The following XPNPEP3 variants were observed in gnomAD, a reference collection of about 807,000 sequenced individuals.
XPNPEP3 encodes xaa-Pro aminopeptidase 3.
XPNPEP3 carries 41 observed loss-of-function variants against 60.0 expected under a neutral mutation model. The observed-to-expected ratio is 0.68, with a 90% CI of 0.53 to 0.89. The LOEUF (loss-of-function observed/expected upper bound fraction) is 0.89, where lower values mean the gene tolerates loss of function less well. XPNPEP3 is among the 40% of genes least tolerant of loss of function. The probability of loss-of-function intolerance (pLI) is 0.00; values close to 1 mark genes in which losing one functional copy is unlikely to be tolerated. For missense variants in XPNPEP3, 598 were observed against 638.9 expected, an observed-to-expected ratio of 0.94 and a Z score of 0.69; for synonymous variants, 212 against 223.2, an observed-to-expected ratio of 0.95 and a Z score of 0.45.
At chr22:40,870,311 C>T (rs2057998751) in intron 2 of XPNPEP3, 1 of 277,340 alleles carries the variant, frequency 3.6e-6, no homozygotes, top group Non-Finnish European at 7.2e-6. Context: ...TTTTCCAGGC[C>T]TTAAACCTAG....
intron 8 of XPNPEP3, 96 bp downstream of exon 8, chr22:40,922,609 G>T: frequency 7.0e-7 from 1 of 1,429,270 alleles, no homozygotes; most frequent in Non-Finnish European, 9.7e-7. Flanking sequence ...AAATGGGACA[G>T]ATGTAGTGAT....
intron 2 of XPNPEP3, among the ~76,000 whole-genome samples, chr22:40,881,229 A>G (rs1455650524): frequency 6.6e-6 from 1 of 151,802 alleles, no homozygotes; most frequent in Admixed American, 6.6e-5. Flanking sequence ...TGTTTTTTTT[A>G]GTAGAGATGA....
chr22:40,857,954 G>A (rs916970610), intron 1 of XPNPEP3, among the ~76,000 whole-genome samples: 3 of 152,122 alleles, frequency 2.0e-5, no homozygotes, highest in Non-Finnish European at 4.4e-5. Context: ...TGATATACTT[G>A]AATTCATTTA....
chr22:40,874,573 G>T lies in XPNPEP3; in HGVS notation c.181+5458G>T, dbSNP rs375344701. ...CCTGAATAGCTGGGACTACAGGCATGCACCATCATGCCCAGCTAATTTTTA... is the reference window on the plus strand; with the variant it reads ...CCTGAATAGCTGGGACTACAGGCATTCACCATCATGCCCAGCTAATTTTTA... On this transcript the variant is annotated intron_variant, in intron 2 of 9. Transcript: ENST00000357137. Among the ~76,000 whole-genome samples, 97 of 152,122 alleles carry T rather than the reference G, an allele frequency of 6.4e-4. 2 individuals carry two copies. In the South Asian group the frequency reaches 0.012, roughly 19 times the overall value.
In XPNPEP3 at chr22:40,893,096, TTATATATAAA is replaced by T. The variant is rs201658497; in HGVS notation, c.792+6599_792+6608del. Among the ~76,000 whole-genome samples, 2,110 of 146,800 alleles carry T rather than the reference TTATATATAAA, an allele frequency of 0.014. 121 individuals carry two copies. In the East Asian group the frequency reaches 0.2, roughly 14 times the overall value. On this transcript the variant is annotated intron_variant, in intron 4 of 9. Transcript: ENST00000357137. ...ATATTATTTATATTATATATTTAGT[TTATATATAAA>T]TATATATAAATATATATTATATATT...
chr22:40,868,927 G>A (rs2057992235), intron 1 of XPNPEP3, 72 bp from the exon 2 acceptor site: 1 of 1,185,516 alleles, frequency 8.4e-7, no homozygotes. Context: ...AACTGCTAGA[G>A]ATAAGTGTAT....
chr22:40,909,351 T>C, intron 6 of XPNPEP3, 116 bp downstream of exon 6: 1 of 823,522 alleles, frequency 1.2e-6, no homozygotes. Flanking sequence ...ATTTTAAAAG[T>C]ATTTTATTGC....
At chr22:40,897,635 A>G (rs908141784) in intron 4 of XPNPEP3, among the ~76,000 whole-genome samples, 7 of 151,886 alleles carry the variant, frequency 4.6e-5, no homozygotes, top group African/African-American at 9.7e-5. Flanking sequence ...CTGATTATAC[A>G]TTTAATTTTT....
At chr22:40,870,163 G>T in intron 2 of XPNPEP3, 1 of 440,904 alleles carries the variant, frequency 2.3e-6, no homozygotes, top group Non-Finnish European at 4.7e-6. Flanking sequence ...CAACCCAGTT[G>T]GTATTAATTT....
Position 40,881,983 on chromosome 22 carries a change from G to A in XPNPEP3, c.395G>A (p.Ser132Asn), listed in dbSNP as rs1299030520. Residue 132 changes from serine (S) to asparagine (N), a missense_variant, in exon 3 of 10, where the codon AGC becomes AAC. Physicochemically the swap from Ser to Asn is conservative, Grantham distance 46 (BLOSUM62 1). Transcript: ENST00000357137. ...CTATGTGGATTCCAAGAGCCTGATAGCATTCTTGTCCTTCAGAGCCTCCCT... is the reference window on the plus strand; with the variant it reads ...CTATGTGGATTCCAAGAGCCTGATAACATTCTTGTCCTTCAGAGCCTCCCT... ...LYLCGFQEPD[S>N]ILVLQSLPGK... is the part of the protein sequence containing the mutation. The A allele has an allele frequency of 1.2e-5, 19 of 1,613,988 alleles. No individual in the cohort carries two copies. Among genetic ancestry groups the A allele is most frequent in the Non-Finnish European group, 1.6e-5 (19 of 1,179,978 alleles).
chr22:40,882,076 G>C lies in XPNPEP3; in HGVS notation c.488G>C (p.Trp163Ser), dbSNP rs2146250401. Residue 163 changes from tryptophan (W) to serine (S), a missense_variant, in exon 3 of 10, where the codon TGG becomes TCG. Trp to Ser is a radical substitution (Grantham distance 177). Transcript: ENST00000357137. Reference sequence around the variant, plus strand: ...CGGCGAGATCCCAGTCGAGAACTTTGGGATGGTCCGCGATCTGGCACTGAT... The same window carrying C: ...CGGCGAGATCCCAGTCGAGAACTTTCGGATGGTCCGCGATCTGGCACTGAT... ...VPRRDPSREL[W>S]DGPRSGTDGA... 6.2e-7 allele frequency: 1 copy of C among 1,614,058 alleles called. No homozygotes were observed. The highest frequency in any genetic ancestry group is 2.2e-5 in the East Asian group (1 of 44,884).
At chr22:40,890,846 T>C (rs997092059) in intron 4 of XPNPEP3, among the ~76,000 whole-genome samples, 2 of 151,972 alleles carry the variant, frequency 1.3e-5, no homozygotes, top group African/African-American at 4.8e-5. Context: ...CCAGTCTGGG[T>C]GACAGAGTGA....
chr22:40,901,407 G>T (rs2058132420), intron 4 of XPNPEP3, among the ~76,000 whole-genome samples: 1 of 151,556 alleles, frequency 6.6e-6, no homozygotes, highest in Admixed American at 6.6e-5. Context: ...GCTAATTTTT[G>T]TATATTTAGT....
intron 7 of XPNPEP3, among the ~76,000 whole-genome samples, chr22:40,921,263 C>T (rs1439720274): frequency 2.6e-5 from 4 of 152,032 alleles, no homozygotes; most frequent in African/African-American, 4.8e-5. Flanking sequence ...CCTTCTCAGA[C>T]GGGGGTGGAA....
At chr22:40,905,285 T>C (rs2058150284) in intron 4 of XPNPEP3, among the ~76,000 whole-genome samples, 1 of 152,044 alleles carries the variant, frequency 6.6e-6, no homozygotes, top group Admixed American at 6.6e-5. Flanking sequence ...TTTCACTGTG[T>C]TAGCCAGGAT....
Position 40,929,051 on chromosome 22 carries a change from A to T in XPNPEP3, c.*2616A>T, listed in dbSNP as rs905460147. ...AGAGCTTTTTAAAAAAAGGGGAGGG[A>T]AATAACTCCACAGCTCTGGCTGCTC... is the stretch of plus-strand genomic sequence containing the variant. On this transcript the variant is annotated 3_prime_UTR_variant, in exon 10 of 10. Coordinates refer to ENST00000357137, the MANE Select transcript of XPNPEP3 (RefSeq NM_022098.4). The T allele has an allele frequency of 6.6e-6, 1 of 152,064 alleles. No homozygotes were observed. The highest frequency in any genetic ancestry group is 2.4e-5 in the African/African-American group (1 of 41,398). 9.4% of individuals were successfully genotyped at this position (152,064 alleles called of 1,614,324 possible).
At chr22:40,873,340 T>C (rs1431369666) in intron 2 of XPNPEP3, among the ~76,000 whole-genome samples, 1 of 151,560 alleles carries the variant, frequency 6.6e-6, no homozygotes, top group Non-Finnish European at 1.5e-5. Flanking sequence ...CCTGACCTTG[T>C]GATCTGCCTG....
At chr22:40,870,741 G>A (rs539185698) in intron 2 of XPNPEP3, among the ~76,000 whole-genome samples, 5 of 152,076 alleles carry the variant, frequency 3.3e-5, no homozygotes, top group Non-Finnish European at 7.4e-5. Flanking sequence ...AAAAGGGGCC[G>A]GGCGCAGTGG....
intron 1 of XPNPEP3, chr22:40,862,233 G>T: frequency 8.0e-7 from 1 of 1,251,752 alleles, no homozygotes. Context: ...TGTAGGGACT[G>T]GACCTTCCAA....
Sources: allele counts gnomAD v4.1 joint callset (sites outside exome capture counted in the v4.1 genomes callset), GRCh38; gene constraint gnomAD v4.1.1; transcripts MANE v1.5; gene names NCBI Gene and HGNC (gene_info 2026-07-23, HGNC 2026-07-21).